Variants in KHDRBS2 observed in about 807,000 individuals in gnomAD.
The protein encoded by KHDRBS2 is KH RNA binding domain containing, signal transduction associated 2, also known as KH domain-containing, RNA-binding, signal transduction-associated protein 2.
KHDRBS2 carries 26 observed loss-of-function variants against 44.3 expected under a neutral mutation model. That is an observed-to-expected ratio of 0.59 (90% CI 0.43 to 0.81). KHDRBS2 has a LOEUF of 0.81. Among genes scored for constraint, KHDRBS2 ranks in the 40% least tolerant of loss-of-function variants. The pLI, the probability that KHDRBS2 is intolerant of heterozygous loss-of-function variation, is 0.00. For synonymous variants in KHDRBS2, 194 were observed against 151.1 expected (o/e 1.28, Z -2.08); for missense variants, 476 against 433.1 (o/e 1.10, Z -0.88).
intron 3 of KHDRBS2, among the ~76,000 whole-genome samples, chr6:62,043,120 C>A (rs1257795931): frequency 6.6e-6 from 1 of 152,080 alleles, no homozygotes; most frequent in African/African-American, 2.4e-5. Flanking sequence ...TTTTCTCTAA[C>A]CCCTCTAACC....
intron 6 of KHDRBS2, among the ~76,000 whole-genome samples, chr6:61,772,294 G>T (rs1217384356): frequency 2.6e-5 from 4 of 152,108 alleles, no homozygotes; most frequent in Non-Finnish European, 5.9e-5. Flanking sequence ...TCAAAAGCTA[G>T]CAGAAGGCAA....
the KHDRBS2 span, among the ~76,000 whole-genome samples, chr6:61,549,771 C>T: frequency 6.6e-6 from 1 of 152,088 alleles, no homozygotes; most frequent in East Asian, 1.9e-4. Context: ...TGATTCTACA[C>T]AAAAATTGGG....
At chr6:61,958,885 A>G (rs1374476837) in intron 4 of KHDRBS2, among the ~76,000 whole-genome samples, 1 of 152,128 alleles carries the variant, frequency 6.6e-6, no homozygotes, top group Non-Finnish European at 1.5e-5. Context: ...CAAGCCTGAC[A>G]TAAACCCACT....
the KHDRBS2 span, among the ~76,000 whole-genome samples, chr6:61,608,137 C>T: frequency 6.6e-6 from 1 of 152,138 alleles, no homozygotes; most frequent in East Asian, 1.9e-4. Context: ...CTAAGAATAG[C>T]CCAGATACTT....
At chr6:61,611,308 C>T in the KHDRBS2 span, among the ~76,000 whole-genome samples, 1 of 151,988 alleles carries the variant, frequency 6.6e-6, no homozygotes, top group African/African-American at 2.4e-5. Flanking sequence ...TATACAAAGC[C>T]TAGTGAAAAA....
At chr6:62,083,574 G>A (rs1041412916) in intron 2 of KHDRBS2, among the ~76,000 whole-genome samples, 1 of 152,054 alleles carries the variant, frequency 6.6e-6, no homozygotes, top group African/African-American at 2.4e-5. Context: ...GGGGTTTTAG[G>A]CAACCCCTAG....
chr6:61,703,598 A>G (rs528621894), intron 7 of KHDRBS2, among the ~76,000 whole-genome samples: 5 of 152,044 alleles, frequency 3.3e-5, no homozygotes, highest in Non-Finnish European at 5.9e-5. Context: ...TTGCAAATTG[A>G]TAGTGCCTTT....
chr6:62,185,920 G>A (rs1308426704), intron 1 of KHDRBS2, among the ~76,000 whole-genome samples: 3 of 151,898 alleles, frequency 2.0e-5, no homozygotes, highest in African/African-American at 4.8e-5. Context: ...ACTATTTTGC[G>A]TATAAGATAA....
intron 2 of KHDRBS2, among the ~76,000 whole-genome samples, chr6:62,120,637 T>C (rs757694988): frequency 5.9e-5 from 9 of 152,154 alleles, no homozygotes; most frequent in Middle Eastern, 3.2e-3. Flanking sequence ...ATGGTATTCC[T>C]AGAAGCGAAA....
chr6:61,819,664 T>C (rs1227606638), intron 6 of KHDRBS2, among the ~76,000 whole-genome samples: 1 of 152,056 alleles, frequency 6.6e-6, no homozygotes, highest in African/African-American at 2.4e-5. Flanking sequence ...ATAAATATTG[T>C]TTTCAATATT....
chr6:62,002,036 G>A (rs1041025652), intron 3 of KHDRBS2, among the ~76,000 whole-genome samples: 2 of 152,062 alleles, frequency 1.3e-5, no homozygotes, highest in African/African-American at 4.8e-5. Context: ...AAAGTGTAAT[G>A]TTCCCTAATA....
chr6:61,979,518 C>T (rs1773411097), intron 3 of KHDRBS2, among the ~76,000 whole-genome samples: 1 of 152,044 alleles, frequency 6.6e-6, no homozygotes, highest in South Asian at 2.1e-4. Flanking sequence ...TAGAAATGCT[C>T]ATTGTTTTAA....
At chr6:61,835,277 C>T (rs765221324) in intron 6 of KHDRBS2, among the ~76,000 whole-genome samples, 4 of 151,984 alleles carry the variant, frequency 2.6e-5, no homozygotes, top group Admixed American at 6.6e-5. Flanking sequence ...CTCATGCCTA[C>T]GTGGCAATTC....
At chr6:62,277,579 T>G (rs1841154489) in intron 1 of KHDRBS2, among the ~76,000 whole-genome samples, 1 of 152,152 alleles carries the variant, frequency 6.6e-6, no homozygotes, top group Non-Finnish European at 1.5e-5. Flanking sequence ...CCTGACCTTG[T>G]GATCCACCTG....
At chr6:62,008,529 C>A (rs1287882221) in intron 3 of KHDRBS2, among the ~76,000 whole-genome samples, 3 of 152,150 alleles carry the variant, frequency 2.0e-5, no homozygotes, top group Admixed American at 2.0e-4. Context: ...GGATTCCACT[C>A]CTAAGTGGTG....
At chr6:62,195,019 G>A (rs547946917) in intron 1 of KHDRBS2, among the ~76,000 whole-genome samples, 3 of 152,064 alleles carry the variant, frequency 2.0e-5, no homozygotes, top group African/African-American at 4.8e-5. Context: ...ATCAGTAAGG[G>A]ATATTATCAT....
chr6:62,054,078 A>G (rs2127317034), intron 2 of KHDRBS2, among the ~76,000 whole-genome samples: 1 of 152,214 alleles, frequency 6.6e-6, no homozygotes, highest in African/African-American at 2.4e-5. Context: ...AGGAACTCCC[A>G]ATGGCGTATA....
chr6:61,592,690 T>TA, the KHDRBS2 span, among the ~76,000 whole-genome samples: 1 of 152,220 alleles, frequency 6.6e-6, no homozygotes, highest in African/African-American at 2.4e-5. Flanking sequence ...TGTTTTTTTT[T>TA]AGTCTCCCAG....
chr6:62,133,251 T>C (rs1195875339), intron 2 of KHDRBS2, among the ~76,000 whole-genome samples: 2 of 152,252 alleles, frequency 1.3e-5, no homozygotes, highest in East Asian at 1.9e-4. Context: ...TCCCACGTGA[T>C]GTGGGAGAGA....
Sources: gnomAD v4.1 joint callset for allele counts (sites outside exome capture counted in the v4.1 genomes callset) on GRCh38, gnomAD v4.1.1 for gene constraint, MANE v1.5 for transcripts, NCBI Gene and HGNC (gene_info 2026-07-23, HGNC 2026-07-21) for gene names.